The following LOXHD1 variants were observed in gnomAD, a reference collection of about 807,000 sequenced individuals.
LOXHD1 encodes the protein lipoxygenase homology domain-containing protein 1.
A neutral mutation model predicts 248.2 loss-of-function variants in LOXHD1; 205 were observed. The ratio of observed to expected loss-of-function variants is 0.83; its 90% confidence interval spans 0.74 to 0.93. The LOEUF (loss-of-function observed/expected upper bound fraction) is 0.93. Among genes scored for constraint, LOXHD1 ranks in the 40% least tolerant of loss-of-function variants. The pLI, the probability that LOXHD1 is intolerant of heterozygous loss-of-function variation, is 0.00. For missense variants in LOXHD1, 2,930 were observed against 2,971.6 expected, an observed-to-expected ratio of 0.99 and a Z score of 0.33; for synonymous variants, 1,113 against 1,162.8, an observed-to-expected ratio of 0.96 and a Z score of 0.87.
intron 6 of LOXHD1, among the ~76,000 whole-genome samples, chr18:46,606,568 G>C (rs1473803254): frequency 6.6e-6 from 1 of 152,086 alleles, no homozygotes; most frequent in African/African-American, 2.4e-5. Flanking sequence ...CTTGCATAAG[G>C]TGTATATGAA....
intron 12 of LOXHD1, among the ~76,000 whole-genome samples, chr18:46,591,631 A>G (rs2038169818): frequency 6.6e-6 from 1 of 152,186 alleles, no homozygotes; most frequent in South Asian, 2.1e-4. Flanking sequence ...ATTTCCTTTC[A>G]AGGAGGCTCT....
intron 17 of LOXHD1, among the ~76,000 whole-genome samples, chr18:46,564,391 G>T (rs2037595447): frequency 6.6e-6 from 1 of 152,066 alleles, no homozygotes; most frequent in Non-Finnish European, 1.5e-5. Context: ...AAATTGAGGG[G>T]TGTGGTGGCA....
intron 23 of LOXHD1, chr18:46,544,863 TATG>T: frequency 2.1e-6 from 1 of 472,054 alleles, no homozygotes. Flanking sequence ...TGAGCAAATA[TATG>T]ATGACTACTT....
In LOXHD1 at chr18:46,522,139, C is replaced by T. The variant is rs571616553; in HGVS notation, c.5047G>A (p.Val1683Ile). Residue 1683 changes from valine to isoleucine, a missense_variant, in exon 32 of 41, where the codon GTC (valine) becomes ATC (isoleucine). Transcript: ENST00000642948. Reference protein sequence around the residue: ...FSRGSVEEFYVAGLDVGIIKK... With the variant: ...FSRGSVEEFYIAGLDVGIIKK... ...ATGATGCCCACATCCAAGCCTGCGA[C>T]GTAGAACTCCTCCACAGAGCCACGG... 6.8e-5 allele frequency: 106 copies of T among 1,551,532 alleles called. No homozygotes were observed. In the South Asian group the frequency reaches 1.0e-3, roughly 15 times the overall value.
Position 46,592,569 on chromosome 18 carries a change from G to A in LOXHD1, c.1447C>T (p.Leu483Phe). 1 of 1,551,544 alleles carries A rather than the reference G, an allele frequency of 6.4e-7. No individual in the cohort carries two copies. Among genetic ancestry groups the A allele is most frequent in the South Asian group, 1.2e-5 (1 of 84,048 alleles). ...ACTCGAATCTTATAAAACCTGCCAA[G>A]ATCCGGGAGCTCAATCTATGGTGAG... ...IEKFRIELPDLGRFYKIRVWH... is the reference protein window; with the variant it reads ...IEKFRIELPDFGRFYKIRVWH... Residue 483 changes from leucine to phenylalanine, a missense_variant, in exon 11 of 41, where the codon CTT becomes TTT. By Grantham distance (22) the Leu-to-Phe change is conservative. Coordinates refer to ENST00000642948, the MANE Select transcript of LOXHD1 (RefSeq NM_001384474.1).
At chr18:46,561,215 C>T (rs9956888) in intron 18 of LOXHD1, among the ~76,000 whole-genome samples, 8,590 of 151,982 alleles carry the variant, frequency 0.057, 666 homozygotes, top group African/African-American at 0.17. Context: ...AGCTGTGGTG[C>T]CGGTTTGGCC....
At chr18:46,534,704 C>T (rs761207811) in intron 26 of LOXHD1, among the ~76,000 whole-genome samples, 2 of 152,176 alleles carry the variant, frequency 1.3e-5, no homozygotes, top group Non-Finnish European at 2.9e-5. Context: ...GAGGGGGACC[C>T]CTCTTCAGCA....
At chr18:46,588,415 C>A (rs1472965835) in intron 12 of LOXHD1, among the ~76,000 whole-genome samples, 2 of 152,150 alleles carry the variant, frequency 1.3e-5, no homozygotes, top group Non-Finnish European at 2.9e-5. Flanking sequence ...TTAATAGCAT[C>A]ACAGAAGACA....
intron 25 of LOXHD1, among the ~76,000 whole-genome samples, chr18:46,541,317 C>T (rs2097705724): frequency 6.6e-6 from 1 of 152,058 alleles, no homozygotes; most frequent in African/African-American, 2.4e-5. Context: ...CCTTTCAAGC[C>T]ATTGTGGGGC....
chr18:46,492,115 A>AGGTGAC (rs199794758), intron 37 of LOXHD1, among the ~76,000 whole-genome samples: 1 of 151,954 alleles, frequency 6.6e-6, no homozygotes, highest in African/African-American at 2.4e-5. Flanking sequence ...ACTATGAAAC[A>AGGTGAC]TCTGGCAGGC....
chr18:46,500,427 C>T (rs1049748579), intron 37 of LOXHD1, among the ~76,000 whole-genome samples: 10 of 152,180 alleles, frequency 6.6e-5, no homozygotes, highest in Admixed American at 3.3e-4. Context: ...CTCAGGCAAA[C>T]CTTTAACAAG....
chr18:46,656,885 G>A lies in LOXHD1; in HGVS notation c.130+19C>T, dbSNP rs1424590862. 2.6e-6 allele frequency: 4 copies of A among 1,549,206 alleles called. No homozygotes were observed. In the East Asian group the frequency reaches 7.3e-5, roughly 28 times the overall value. On this transcript the variant is annotated intron_variant, in intron 1 of 40. Transcript: ENST00000642948. ...CAGCCAGCTGCACCACCCGCCCCCCGCAGGCTGGGACCCCGCACCTCTGGC... is the reference window on the plus strand; with the variant it reads ...CAGCCAGCTGCACCACCCGCCCCCCACAGGCTGGGACCCCGCACCTCTGGC...
At chr18:46,656,444 C>T (rs533901859) in intron 1 of LOXHD1, among the ~76,000 whole-genome samples, 1 of 152,260 alleles carries the variant, frequency 6.6e-6, no homozygotes, top group East Asian at 1.9e-4. Context: ...ATGGACATCT[C>T]CTTGCAAAGC....
chr18:46,524,650 C>T (rs1190661432), intron 30 of LOXHD1, 49 bp from the exon 31 acceptor site: 13 of 1,551,108 alleles, frequency 8.4e-6, no homozygotes, highest in Middle Eastern at 1.7e-4. Context: ...ACCTCCACCT[C>T]GAGGGACCTC....
intron 21 of LOXHD1, among the ~76,000 whole-genome samples, chr18:46,557,121 C>A (rs990505362): frequency 6.6e-6 from 1 of 151,460 alleles, no homozygotes; most frequent in Non-Finnish European, 1.5e-5. Flanking sequence ...TCAGACATCA[C>A]CCCCAGCCCG....
Position 46,624,166 on chromosome 18 carries a change from T to C in LOXHD1, c.512-5876A>G, listed in dbSNP as rs529088161. Among the ~76,000 whole-genome samples, 7 of 152,284 alleles carry C rather than the reference T, an allele frequency of 4.6e-5. No homozygotes were observed. The South Asian group carries it at 8.3e-4, about 18-fold the overall frequency. ...GAGGAGGGGGTTGGAAGGAGAATGA[T>C]TGGGCCTGATTTTACCCCACCCGCA... is the stretch of plus-strand genomic sequence containing the variant. On this transcript the variant is annotated intron_variant, in intron 4 of 40. Coordinates refer to ENST00000642948, the MANE Select transcript of LOXHD1 (RefSeq NM_001384474.1).
chr18:46,643,658 A>G (rs1304481424), intron 2 of LOXHD1, among the ~76,000 whole-genome samples: 2 of 152,176 alleles, frequency 1.3e-5, no homozygotes, highest in Admixed American at 1.3e-4. Context: ...TCTGCACATC[A>G]GGATTATATA....
chr18:46,591,846 A>AAG (rs2038174391), intron 12 of LOXHD1, 87 bp downstream of exon 12: 1 of 1,488,116 alleles, frequency 6.7e-7, no homozygotes, highest in Non-Finnish European at 9.1e-7. Flanking sequence ...CAAAGCAGAC[A>AAG]AGACTCTCAG....
Position 46,483,690 on chromosome 18 carries a change from G to C in LOXHD1, c.6238C>G (p.Leu2080Val), listed in dbSNP as rs1316646704. 1 of 1,551,788 alleles carries C rather than the reference G, an allele frequency of 6.4e-7. No homozygotes were observed. The highest frequency in any genetic ancestry group is 2.0e-5 in the Admixed American group (1 of 51,004). ...DSIYLGDIAS[L>V]CVGHLAREDR... ...TCCCTGGCAAGGTGGCCCACACAGA[G>C]GGAGGCAATGTCCCCCAAGTAGATG... Residue 2080 changes from leucine to valine, a missense_variant, in exon 40 of 41, where the codon CTC (leucine) becomes GTC (valine). Coordinates refer to ENST00000642948, the MANE Select transcript of LOXHD1 (RefSeq NM_001384474.1).
Sources: allele counts gnomAD v4.1 joint callset (sites outside exome capture counted in the v4.1 genomes callset), GRCh38; gene constraint gnomAD v4.1.1; transcripts MANE v1.5; gene names NCBI Gene and HGNC (gene_info 2026-07-23, HGNC 2026-07-21).